Variants in DISP3 observed in about 807,000 individuals in gnomAD.
DISP3 encodes dispatched RND transporter family member 3, also known as protein dispatched homolog 3.
In DISP3, 101 loss-of-function variants were observed where a neutral mutation model predicts 135.3. That is an observed-to-expected ratio of 0.75 (90% CI 0.64 to 0.88). The LOEUF is 0.88. Among genes scored for constraint, DISP3 ranks in the 40% least tolerant of loss-of-function variants. The pLI is 0.00. For missense variants in DISP3, 1,713 were observed against 1,878.6 expected (o/e 0.91, Z 1.63); for synonymous variants, 856 against 817.0 (o/e 1.05, Z -0.81).
At position 11,519,556 on chromosome 1, in the gene DISP3, C is replaced by T. The variant is rs1642116104; in HGVS notation, c.2038+53C>T. 6.3e-7 allele frequency: 1 copy of T among 1,598,930 alleles called. No individual in the cohort carries two copies. The highest frequency in any genetic ancestry group is 8.5e-7 in the Non-Finnish European group (1 of 1,170,964). ...TGACCCCAGTGAGACCCAGCGCTGC[C>T]TCTGCCAGGGGAGTAACACTTGACA... On this transcript the variant is annotated intron_variant, in intron 8 of 20. Transcript: ENST00000294484. The surrounding 1 kb of genome is among the most constrained non-coding windows in gnomAD (Gnocchi z 4.3).
At chr1:11,518,912 G>A (rs1205924399) in intron 7 of DISP3, among the ~76,000 whole-genome samples, 1 of 152,134 alleles carries the variant, frequency 6.6e-6, no homozygotes, top group Non-Finnish European at 1.5e-5. Flanking sequence ...TCCCTAGGTT[G>A]AGCTGCGTCT....
chr1:11,536,972 G>A lies in DISP3; in HGVS notation c.*286G>A. ...CTCCTCCCATGCCCGGTCACCATGG[G>A]GGTCAGGTTATTTTTGTAGGGGGTC... On this transcript the variant is annotated 3_prime_UTR_variant, in exon 21 of 21. Coordinates refer to ENST00000294484, the MANE Select transcript of DISP3 (RefSeq NM_020780.2). This position sits in a 1 kb window ranked among gnomAD's most constrained non-coding sequence, Gnocchi z 4.3. 1 of 465,102 alleles carries A rather than the reference G, an allele frequency of 2.2e-6. No individual in the cohort carries two copies. Among genetic ancestry groups the A allele is most frequent in the Admixed American group, 3.9e-5 (1 of 25,874 alleles). The allele number at this position is 465,102 out of a possible 1,614,324, so 28.8% of individuals were successfully genotyped here.
intron 10 of DISP3, among the ~76,000 whole-genome samples, chr1:11,523,129 G>C (rs185193622): frequency 5.9e-5 from 9 of 152,342 alleles, no homozygotes; most frequent in Non-Finnish European, 1.3e-4. Flanking sequence ...CCCTCCCTGG[G>C]CAGGTCCTTT....
chr1:11,528,583 C>T (rs764261085), intron 13 of DISP3, among the ~76,000 whole-genome samples: 8 of 152,214 alleles, frequency 5.3e-5, no homozygotes, highest in Admixed American at 2.0e-4. Context: ...AACTATGATA[C>T]GTGCTCTGAA....
At chr1:11,526,935 GC>G in intron 13 of DISP3, 100 bp downstream of exon 13, 3 of 1,350,200 alleles carry the variant, frequency 2.2e-6, no homozygotes, top group Non-Finnish European at 2.0e-6. Context: ...ATGCCAGCAG[GC>G]CCCCTCACTT....
chr1:11,503,633 T>C (rs72863296), intron 3 of DISP3, among the ~76,000 whole-genome samples: 3,518 of 152,206 alleles, frequency 0.023, 143 homozygotes, highest in African/African-American at 0.081. Context: ...CCCCATCCAG[T>C]TGGACAGTGC....
chr1:11,524,158 G>T (rs1642339156), intron 11 of DISP3, 103 bp downstream of exon 11: 9 of 911,080 alleles, frequency 9.9e-6, no homozygotes, highest in Non-Finnish European at 1.5e-5. Context: ...CCTTCAAGAA[G>T]GAGATTGTGT....
Position 11,502,096 on chromosome 1 carries a change from G to A in DISP3, c.1096+8G>A. On this transcript the variant is annotated splice_region_variant and intron_variant, in intron 2 of 20. Transcript: ENST00000294484. The stretch of plus-strand genomic sequence containing the variant: ...ACCTGGCGGACATCCGGGGTGAGCC[G>A]CCGGGATGCTGGGAGGGGGCGTAGG... 5.2e-6 allele frequency: 8 copies of A among 1,539,650 alleles called. No individual in the cohort carries two copies. Among genetic ancestry groups the A allele is most frequent in the Non-Finnish European group, 7.0e-6 (8 of 1,144,254 alleles).
intron 3 of DISP3, among the ~76,000 whole-genome samples, chr1:11,503,758 A>G (rs1223138901): frequency 1.3e-5 from 2 of 152,146 alleles, no homozygotes; most frequent in Non-Finnish European, 2.9e-5. Flanking sequence ...TTGACACCTA[A>G]AATTAACCAC....
rs774306197 is a variant in DISP3, at chr1:11,535,010, G to A, written c.3536-1G>A. ...CACTGAGGCCCTGTCCTCCCTTGCA[G>A]GGGTGCAGAGCGCCCTGTGCGGCCT... On this transcript the variant is annotated splice_acceptor_variant, in intron 18 of 20. Coordinates refer to ENST00000294484, the MANE Select transcript of DISP3 (RefSeq NM_020780.2). LOFTEE classifies it high-confidence loss of function. 1.3e-6 allele frequency: 2 copies of A among 1,576,244 alleles called. No individual in the cohort carries two copies. The highest frequency in any genetic ancestry group is 1.8e-5 in the Admixed American group (1 of 54,622).
At chr1:11,526,208 T>C (rs1381243564) in intron 12 of DISP3, among the ~76,000 whole-genome samples, 1 of 152,234 alleles carries the variant, frequency 6.6e-6, no homozygotes, top group Non-Finnish European at 1.5e-5. Flanking sequence ...CGTGCGTGGC[T>C]GACTCCTAGG....
intron 1 of DISP3, among the ~76,000 whole-genome samples, chr1:11,497,466 G>A (rs2100392787): frequency 6.6e-6 from 1 of 151,932 alleles, no homozygotes; most frequent in East Asian, 1.9e-4. Context: ...TGGGCTCACT[G>A]CAAGCTCCGC....
chr1:11,501,095 G>A lies in DISP3; in HGVS notation c.103G>A (p.Gly35Arg), dbSNP rs1188344690. 2 of 1,613,994 alleles carry A rather than the reference G, an allele frequency of 1.2e-6. No individual in the cohort carries two copies. Among genetic ancestry groups the A allele is most frequent in the African/African-American group, 2.7e-5 (2 of 74,922 alleles). ...AACCTTTTTAGGGGCCCAGAAGCCA[G>A]GGCCCCAACCTGGGGCAGGGGGACA... ...GETFLGAQKP[G>R]PQPGAGGQCC... The change falls in exon 2 of 21, where the codon GGG becomes AGG. Residue 35 changes from glycine to arginine, a missense_variant. Physicochemically the swap from Gly to Arg is moderately radical, Grantham distance 125. Around this residue, in one of 2 missense-constraint regions of DISP3, gnomAD observed 571 missense variants for 494.1 expected, o/e 1.16. Coordinates refer to ENST00000294484, the MANE Select transcript of DISP3 (RefSeq NM_020780.2). This position sits in a 1 kb window ranked among gnomAD's most constrained non-coding sequence, Gnocchi z 4.9.
intron 3 of DISP3, among the ~76,000 whole-genome samples, chr1:11,512,362 A>C (rs1222121841): frequency 1.3e-5 from 2 of 152,046 alleles, no homozygotes; most frequent in East Asian, 1.9e-4. Flanking sequence ...TCACCTCTCA[A>C]ATGCTTTGCT....
intron 15 of DISP3, among the ~76,000 whole-genome samples, 153 bp from the exon 16 acceptor site, chr1:11,530,754 G>A (rs1199727777): frequency 6.6e-6 from 1 of 152,110 alleles, no homozygotes; most frequent in African/African-American, 2.4e-5. Flanking sequence ...GGTTAGGGTG[G>A]AGCAGTGGGT....
chr1:11,520,678 T>A lies in DISP3; in HGVS notation c.2201-9T>A. 6.2e-7 allele frequency: 1 copy of A among 1,612,222 alleles called. No individual in the cohort carries two copies. Among genetic ancestry groups the A allele is most frequent in the Non-Finnish European group, 8.5e-7 (1 of 1,179,168 alleles). The stretch of plus-strand genomic sequence containing the variant: ...CAGCCCCGCCTGGTGTAGCGCCCTT[T>A]CCTCACAGGGCTGTTCGTCTCCATC... On this transcript the variant is annotated splice_polypyrimidine_tract_variant and intron_variant, in intron 9 of 20. Transcript: ENST00000294484. The surrounding 1 kb of genome is among the most constrained non-coding windows in gnomAD (Gnocchi z 4.8).
intron 13 of DISP3, 88 bp downstream of exon 13, chr1:11,526,923 G>A: frequency 7.0e-7 from 1 of 1,431,872 alleles, no homozygotes; most frequent in Non-Finnish European, 9.3e-7. Flanking sequence ...TTCACATGAG[G>A]GATGCCAGCA....
chr1:11,501,008 G>C lies in DISP3; in HGVS notation c.16G>C (p.Asp6His), dbSNP rs147730069. The C allele has an allele frequency of 2.1e-4, 345 of 1,614,002 alleles. 3 individuals are homozygous for C. The South Asian group carries it at 2.6e-3, about 12-fold the overall frequency. The stretch of plus-strand genomic sequence containing the variant: ...CCTGCAGACTATGGACACGGAGGAT[G>C]ACCCCTTGCTGCAGGATGTGTGGCT... Reference protein sequence around the residue: MDTEDDPLLQDVWLEE... With the variant: MDTEDHPLLQDVWLEE... Residue 6 changes from aspartate to histidine, a missense_variant, in exon 2 of 21, where the codon GAC (aspartate) becomes CAC (histidine). This residue lies in a region of DISP3 where 571 missense variants were observed against 494.1 expected (regional missense o/e 1.16). Coordinates refer to ENST00000294484, the MANE Select transcript of DISP3 (RefSeq NM_020780.2). This position sits in a 1 kb window ranked among gnomAD's most constrained non-coding sequence, Gnocchi z 4.9.
In DISP3 at chr1:11,529,480, C is replaced by A. The variant is rs1557621050; in HGVS notation, c.2799-76C>A. On this transcript the variant is annotated intron_variant, in intron 13 of 20. Coordinates refer to ENST00000294484, the MANE Select transcript of DISP3 (RefSeq NM_020780.2). This position sits in a 1 kb window ranked among gnomAD's most constrained non-coding sequence, Gnocchi z 4.7. Reference sequence around the variant, plus strand: ...ATGACACCCCAGCCCCAGTCCCAACCCTGGCCTGCTGGCCTCACCTCCCCT... The same window carrying A: ...ATGACACCCCAGCCCCAGTCCCAACACTGGCCTGCTGGCCTCACCTCCCCT... 2.7e-6 allele frequency: 4 copies of A among 1,485,576 alleles called. No homozygotes were observed. The East Asian group carries it at 9.2e-5, about 34-fold the overall frequency. 92.0% of individuals were successfully genotyped at this position (1,485,576 alleles called of 1,614,324 possible). A position where few individuals can be genotyped will look rare whatever the true frequency, so the allele number is the denominator to read the frequency against.
Sources: gnomAD v4.1 joint callset for allele counts (sites outside exome capture counted in the v4.1 genomes callset) on GRCh38, gnomAD v4.1.1 for gene constraint, gnomAD v4.1.1 regional missense constraint, Gnocchi (gnomAD v3.1) non-coding constraint, MANE v1.5 for transcripts, NCBI Gene and HGNC (gene_info 2026-07-23, HGNC 2026-07-21) for gene names.